RGS7: variants seen among roughly 807,000 people sequenced by gnomAD.
The protein encoded by RGS7 is regulator of G protein signaling 7.
RGS7 carries 27 observed loss-of-function variants against 81.1 expected under a neutral mutation model. The ratio of observed to expected loss-of-function variants is 0.33; its 90% CI spans 0.25 to 0.46. The LOEUF (loss-of-function observed/expected upper bound fraction) is 0.46, where lower values mean the gene tolerates loss of function less well. Ranked by LOEUF, RGS7 falls within the 20% of genes least tolerant of loss-of-function variation. RGS7 has a pLI of 1.00. For missense variants in RGS7, 396 were observed against 607.4 expected (o/e 0.65, Z 3.66); for synonymous variants, 208 against 207.7 (o/e 1.00, Z -0.01).
At position 240,998,076 on chromosome 1, in the gene RGS7, G is replaced by A. The variant is rs115884622; in HGVS notation, c.176-14947C>T. On this transcript the variant is annotated intron_variant, in intron 3 of 18. Transcript: ENST00000440928. Reference sequence around the variant, plus strand: ...CAGGAAAAATGTTTGCTGGGCAGAGGATTACGGATTGACAGTTCTTTCTTT... The same window carrying A: ...CAGGAAAAATGTTTGCTGGGCAGAGAATTACGGATTGACAGTTCTTTCTTT... Among the ~76,000 whole-genome samples the A allele has an allele frequency of 1.8e-3, 273 of 152,290 alleles. 2 individuals carry two copies. Among genetic ancestry groups the A allele is most frequent in the African/African-American group, 6.5e-3 (269 of 41,564 alleles).
intron 2 of RGS7, among the ~76,000 whole-genome samples, chr1:241,306,996 A>G (rs1189612236): frequency 6.6e-6 from 1 of 152,212 alleles, no homozygotes; most frequent in Non-Finnish European, 1.5e-5. Flanking sequence ...AATGAAAGAA[A>G]AGTACTTGCA....
intron 2 of RGS7, among the ~76,000 whole-genome samples, chr1:241,351,614 T>A (rs1286883019): frequency 6.6e-6 from 1 of 152,164 alleles, no homozygotes; most frequent in African/African-American, 2.4e-5. Context: ...GTGCAAATTA[T>A]GTCCTCAACT....
chr1:241,225,842 T>C (rs564688371), intron 2 of RGS7, among the ~76,000 whole-genome samples: 2 of 152,184 alleles, frequency 1.3e-5, no homozygotes, highest in Admixed American at 6.5e-5. Context: ...AGCTTTCAAA[T>C]TGCAGTTTCC....
intron 5 of RGS7, among the ~76,000 whole-genome samples, chr1:240,932,987 C>T (rs1235756971): frequency 6.8e-6 from 1 of 146,364 alleles, no homozygotes; most frequent in Non-Finnish European, 1.5e-5. Flanking sequence ...GGGTTCACGC[C>T]ATTCTCCTGC....
chr1:241,012,633 A>G (rs2059015668), intron 3 of RGS7, among the ~76,000 whole-genome samples: 1 of 152,172 alleles, frequency 6.6e-6, no homozygotes, highest in African/African-American at 2.4e-5. Context: ...CTTCTTTGGC[A>G]TATTTCAAGA....
chr1:241,168,234 T>C (rs2070424711), intron 2 of RGS7, among the ~76,000 whole-genome samples: 1 of 151,998 alleles, frequency 6.6e-6, no homozygotes, highest in South Asian at 2.1e-4. Context: ...CACCAGCAAA[T>C]ATGGTGGATT....
intron 2 of RGS7, among the ~76,000 whole-genome samples, chr1:241,342,772 T>C (rs971338034): frequency 2.0e-5 from 3 of 152,236 alleles, no homozygotes; most frequent in Non-Finnish European, 2.9e-5. Flanking sequence ...CTTGAAAAGA[T>C]GCTCCATCAT....
At chr1:240,927,148 C>T (rs1572803290) in intron 6 of RGS7, among the ~76,000 whole-genome samples, 1 of 152,098 alleles carries the variant, frequency 6.6e-6, no homozygotes, top group Middle Eastern at 3.2e-3. Flanking sequence ...CTCACTGCAA[C>T]CTCTGCCTCC....
At chr1:241,128,443 G>A (rs1419838924) in intron 2 of RGS7, among the ~76,000 whole-genome samples, 1 of 151,588 alleles carries the variant, frequency 6.6e-6, no homozygotes, top group Non-Finnish European at 1.5e-5. Context: ...AATTTACCTG[G>A]CATGGTGGCG....
intron 10 of RGS7, among the ~76,000 whole-genome samples, chr1:240,825,080 A>C (rs1001203032): frequency 3.3e-5 from 5 of 152,202 alleles, no homozygotes; most frequent in African/African-American, 1.2e-4. Context: ...CGGCCCCGGC[A>C]GACTACATGA....
rs1428775314 is a variant in RGS7 at position 241,163,528 on chromosome 1, C to T, written c.79-64766G>A. 6.6e-6 allele frequency among the ~76,000 whole-genome samples: 1 copy of T among 152,158 alleles called. No individual in the cohort carries two copies. On this transcript the variant is annotated intron_variant, in intron 2 of 18. Coordinates refer to ENST00000440928, the MANE Select transcript of RGS7 (RefSeq NM_001364886.1). This position sits in a 1 kb window ranked among gnomAD's most constrained non-coding sequence, Gnocchi z 4.6. ...GATCTAGGAAAGATTAACCGACTGT[C>T]GACACCTTTGAAGGTCTGAAAGAAA...
intron 2 of RGS7, among the ~76,000 whole-genome samples, chr1:241,100,625 GAC>G (rs1343734600): frequency 6.6e-6 from 1 of 152,102 alleles, no homozygotes; most frequent in East Asian, 1.9e-4. Context: ...ACCTCTCTAA[GAC>G]TCAGTTTTCT....
At chr1:240,948,706 G>C (rs970893876) in intron 4 of RGS7, among the ~76,000 whole-genome samples, 1 of 151,982 alleles carries the variant, frequency 6.6e-6, no homozygotes, top group African/African-American at 2.4e-5. Context: ...GTCTCCCAAA[G>C]TGCTGGGATT....
intron 3 of RGS7, among the ~76,000 whole-genome samples, chr1:241,044,136 T>C (rs971508624): frequency 6.0e-5 from 9 of 150,238 alleles, no homozygotes; most frequent in Admixed American, 2.0e-4. Context: ...TGGTTTGAGA[T>C]GGAGTCTTAC....
chr1:240,827,350 A>G (rs1693016561), intron 9 of RGS7, among the ~76,000 whole-genome samples, 178 bp from the exon 10 acceptor site: 1 of 152,242 alleles, frequency 6.6e-6, no homozygotes, highest in Non-Finnish European at 1.5e-5. Context: ...CATAAAAGAC[A>G]TGATACTTCT....
At chr1:241,345,182 G>C (rs942783278) in intron 2 of RGS7, among the ~76,000 whole-genome samples, 22 of 152,174 alleles carry the variant, frequency 1.4e-4, no homozygotes, top group African/African-American at 3.9e-4. Flanking sequence ...GGAGCTAAAT[G>C]ATGAGAACAC....
intron 18 of RGS7, among the ~76,000 whole-genome samples, chr1:240,794,329 A>G (rs1429474608): frequency 6.6e-6 from 1 of 152,176 alleles, no homozygotes; most frequent in African/African-American, 2.4e-5. Flanking sequence ...TTAACCACAA[A>G]GAGTATCACA....
At chr1:240,839,257 T>C (rs1424223256) in intron 9 of RGS7, among the ~76,000 whole-genome samples, 1 of 152,242 alleles carries the variant, frequency 6.6e-6, no homozygotes, top group Non-Finnish European at 1.5e-5. Context: ...TGCTTGGTTC[T>C]GATGTGGATC....
At chr1:240,883,622 G>A (rs1046866368) in intron 6 of RGS7, among the ~76,000 whole-genome samples, 2 of 152,166 alleles carry the variant, frequency 1.3e-5, no homozygotes, top group Non-Finnish European at 2.9e-5. Flanking sequence ...TCACAGAGTG[G>A]CAAATTCTCA....
Sources: allele counts gnomAD v4.1 joint callset (sites outside exome capture counted in the v4.1 genomes callset), GRCh38; gene constraint gnomAD v4.1.1; non-coding constraint Gnocchi (gnomAD v3.1); transcripts MANE v1.5; gene names NCBI Gene and HGNC (gene_info 2026-07-23, HGNC 2026-07-21).